The following CHAT variants were observed in gnomAD, a reference collection of about 807,000 sequenced individuals.
CHAT encodes the protein choline O-acetyltransferase.
CHAT carries 61 observed loss-of-function variants against 76.9 expected under a neutral mutation model. The ratio of observed to expected loss-of-function variants is 0.79; its 90% confidence interval spans 0.65 to 0.98. The LOEUF (loss-of-function observed/expected upper bound fraction) is 0.98, where lower values mean the gene tolerates loss of function less well. Among genes scored for constraint, CHAT ranks in the 50% least tolerant of loss-of-function variants. The pLI, the probability that CHAT is intolerant of heterozygous loss-of-function variation, is 0.00. For synonymous variants in CHAT, 407 were observed against 397.4 expected, an observed-to-expected ratio of 1.02 and a Z score of -0.29; for missense variants, 946 against 986.9, an observed-to-expected ratio of 0.96 and a Z score of 0.56.
In CHAT at chr10:49,651,871, T is replaced by G. The variant is rs779854093; in HGVS notation, c.1512-13T>G. The G allele has an allele frequency of 1.2e-6, 2 of 1,612,486 alleles. No homozygotes were observed. Among genetic ancestry groups the G allele is most frequent in the South Asian group, 2.2e-5 (2 of 90,820 alleles). ...TGCATGCAATAAAAACATCTTTTCT[T>G]TTTCTTCCTCAGAATAGTAAAGAAC... On this transcript the variant is annotated splice_polypyrimidine_tract_variant and intron_variant, in intron 10 of 14. Transcript: ENST00000337653.
At chr10:49,663,770 G>A (rs1261838692) in intron 14 of CHAT, among the ~76,000 whole-genome samples, 1 of 152,228 alleles carries the variant, frequency 6.6e-6, no homozygotes, top group East Asian at 1.9e-4. Context: ...ATGGGATGTT[G>A]TCATTATGGC....
At chr10:49,651,205 C>T (rs750153662) in intron 10 of CHAT, among the ~76,000 whole-genome samples, 1 of 151,804 alleles carries the variant, frequency 6.6e-6, no homozygotes, top group Admixed American at 6.6e-5. Context: ...GTCTAAGGAG[C>T]GAGTACTCAT....
Position 49,614,245 on chromosome 10 carries a change from G to C in CHAT, c.56G>C (p.Arg19Thr), listed in dbSNP as rs546932446. ...RGLGGGGKWK[R>T]EEGGGTRGRR... ...CTTGGGGGAGGGGGGAAATGGAAGA[G>C]AGAGGAGGGAGGAGGTACAAGAGGA... The change falls in exon 1 of 15, where the codon AGA becomes ACA. Residue 19 changes from arginine to threonine, a missense_variant. Physicochemically the swap from Arg to Thr is moderately conservative, Grantham distance 71. Coordinates refer to ENST00000337653, the MANE Select transcript of CHAT (RefSeq NM_020549.5). 3 of 1,545,990 alleles carry C rather than the reference G, an allele frequency of 1.9e-6. No homozygotes were observed. The highest frequency in any genetic ancestry group is 2.0e-5 in the Admixed American group (1 of 50,924).
At chr10:49,659,620 G>T (rs945631388) in intron 13 of CHAT, among the ~76,000 whole-genome samples, 5 of 152,192 alleles carry the variant, frequency 3.3e-5, no homozygotes, top group Non-Finnish European at 5.9e-5. Flanking sequence ...CTAGCACCTT[G>T]GGAGGCCGAG....
chr10:49,638,830 A>G (rs1002100510), intron 7 of CHAT, among the ~76,000 whole-genome samples: 1 of 152,242 alleles, frequency 6.6e-6, no homozygotes, highest in African/African-American at 2.4e-5. Flanking sequence ...GAAGACTTAA[A>G]AGGAGAATGA....
At chr10:49,623,044 A>G (rs541126774) in intron 5 of CHAT, among the ~76,000 whole-genome samples, 4 of 152,280 alleles carry the variant, frequency 2.6e-5, no homozygotes, top group African/African-American at 9.6e-5. Context: ...TGTCCAGGGC[A>G]TTCTGCACCA....
Position 49,615,695 on chromosome 10 carries a change from CTAA to C in CHAT, c.287-800_287-798del, listed in dbSNP as rs557477063. 641 of 342,018 alleles carry C rather than the reference CTAA, an allele frequency of 1.9e-3. 1 individual carries two copies. The highest frequency in any genetic ancestry group is 2.8e-3 in the Non-Finnish European group (529 of 186,998). 21.2% of individuals were successfully genotyped at this position (342,018 alleles called of 1,614,324 possible). Reference sequence around the variant, plus strand: ...GAGGGTAGCAATTGTGACCCACAGCCTAATAATAACAGTCTTTGCCCTCTTGGC... The same window carrying C: ...GAGGGTAGCAATTGTGACCCACAGCCTAATAACAGTCTTTGCCCTCTTGGC... On this transcript the variant is annotated intron_variant, in intron 1 of 14. Transcript: ENST00000337653.
intron 1 of CHAT, chr10:49,616,074 G>C: frequency 6.2e-7 from 1 of 1,613,830 alleles, no homozygotes; most frequent in East Asian, 2.2e-5. Context: ...ATGCAGAGAT[G>C]AAGCACTGAG....
upstream of CHAT, chr10:49,612,015 C>T (rs1838311959): frequency 6.2e-7 from 1 of 1,613,814 alleles, no homozygotes; most frequent in African/African-American, 1.3e-5. Context: ...CCATCGCCGA[C>T]ATCTCCTATT....
upstream of CHAT, among the ~76,000 whole-genome samples, chr10:49,609,469 G>A (rs1838232421): frequency 1.3e-5 from 2 of 152,010 alleles, no homozygotes; most frequent in Non-Finnish European, 2.9e-5. Flanking sequence ...GGGGTGCGGC[G>A]GCGGGGAGAG....
At chr10:49,652,913 C>G (rs1274156500) in intron 11 of CHAT, among the ~76,000 whole-genome samples, 2 of 152,320 alleles carry the variant, frequency 1.3e-5, no homozygotes, top group Admixed American at 6.5e-5. Context: ...TCCCTCGAAG[C>G]CTTTCCCCAC....
chr10:49,665,038 C>A lies in CHAT; in HGVS notation c.2239C>A (p.Gln747Lys). ...AGCCACGAGGCCCAGCCAGGGACACCAACCTTGACTCCTGCCACTAGGTTT... is the reference window on the plus strand; with the variant it reads ...AGCCACGAGGCCCAGCCAGGGACACAAACCTTGACTCCTGCCACTAGGTTT... ...EKATRPSQGH[Q>K]P The change falls in exon 15 of 15, where the codon CAA becomes AAA. Residue 747 changes from glutamine (Q) to lysine (K), a missense_variant. Coordinates refer to ENST00000337653, the MANE Select transcript of CHAT (RefSeq NM_020549.5). 1 of 1,613,884 alleles carries A rather than the reference C, an allele frequency of 6.2e-7. No homozygotes were observed. The highest frequency in any genetic ancestry group is 8.5e-7 in the Non-Finnish European group (1 of 1,180,040).
At chr10:49,648,647 A>G (rs1323149226) in intron 9 of CHAT, 40 bp downstream of exon 9, 1 of 1,422,028 alleles carries the variant, frequency 7.0e-7, no homozygotes, top group African/African-American at 1.4e-5. Flanking sequence ...GGGCCCAAAA[A>G]AATGTGGGTG....
chr10:49,611,818 G>T (rs200313362), upstream of CHAT: 113 of 1,603,476 alleles, frequency 7.0e-5, no homozygotes, highest in Non-Finnish European at 2.9e-5. Context: ...GTGGCTGTAC[G>T]GCGCGCTTGG....
upstream of CHAT, among the ~76,000 whole-genome samples, chr10:49,610,134 T>C (rs1407421169): frequency 6.6e-6 from 1 of 150,834 alleles, no homozygotes; most frequent in Non-Finnish European, 1.5e-5. Flanking sequence ...CCTCCAGCCC[T>C]GGAGCATCTG....
At chr10:49,618,852 A>G (rs555617939) in intron 2 of CHAT, among the ~76,000 whole-genome samples, 6 of 152,324 alleles carry the variant, frequency 3.9e-5, no homozygotes, top group Admixed American at 1.3e-4. Context: ...ATAACATTTT[A>G]GATGTGCCTA....
At chr10:49,651,722 G>A in intron 10 of CHAT, 162 bp from the exon 11 acceptor site, 1 of 673,384 alleles carries the variant, frequency 1.5e-6, no homozygotes, top group Non-Finnish European at 2.5e-6. Flanking sequence ...CATAGGTCAA[G>A]GCATGTCTCT....
At chr10:49,611,490 C>T (rs760173383), upstream of CHAT, 3 of 1,599,958 alleles carry the variant, frequency 1.9e-6, no homozygotes, top group African/African-American at 1.3e-5. Context: ...TGCTAGCTGC[C>T]GTGTCGCTCT....
intron 14 of CHAT, among the ~76,000 whole-genome samples, chr10:49,663,909 T>C (rs919027283): frequency 4.6e-5 from 7 of 152,254 alleles, no homozygotes; most frequent in African/African-American, 1.7e-4. Flanking sequence ...CAAATTTATC[T>C]GACAATGTGG....
Sources: gnomAD v4.1 joint callset for allele counts (sites outside exome capture counted in the v4.1 genomes callset) on GRCh38, gnomAD v4.1.1 for gene constraint, MANE v1.5 for transcripts, NCBI Gene and HGNC (gene_info 2026-07-23, HGNC 2026-07-21) for gene names.